Variants in ITGA3 observed in about 807,000 individuals in gnomAD.
The protein encoded by ITGA3 is integrin subunit alpha 3, also known as integrin alpha-3.
Under a neutral mutation model 131.1 loss-of-function variants are expected in ITGA3, and 70 were observed. The ratio of observed to expected loss-of-function variants is 0.53; its 90% CI spans 0.44 to 0.65. The LOEUF (loss-of-function observed/expected upper bound fraction) is 0.65. Among genes scored for constraint, ITGA3 ranks in the 30% least tolerant of loss-of-function variants. The probability of loss-of-function intolerance (pLI) is 0.00; values close to 1 mark genes in which losing one functional copy is unlikely to be tolerated. For missense variants in ITGA3, 1,098 were observed against 1,388.6 expected, an observed-to-expected ratio of 0.79 and a Z score of 3.33; for synonymous variants, 537 against 571.6, an observed-to-expected ratio of 0.94 and a Z score of 0.86.
rs374371717 is a variant in ITGA3, at chr17:50,088,220, C to T, written c.3046-5C>T. 7.1e-5 allele frequency: 110 copies of T among 1,555,302 alleles called. No individual in the cohort carries two copies. The highest frequency in any genetic ancestry group is 8.9e-5 in the Non-Finnish European group (102 of 1,149,234). ...TGGCCCGTCCCCACCTCCTCCCCTC[C>T]GCAGTGCGGCTTCTTCAAGCGAGCC... On this transcript the variant is annotated splice_polypyrimidine_tract_variant and splice_region_variant and intron_variant, in intron 24 of 25. Coordinates refer to ENST00000320031, the MANE Select transcript of ITGA3 (RefSeq NM_002204.4).
chr17:50,075,434 G>A (rs774579111), intron 10 of ITGA3, 25 bp from the exon 11 acceptor site: 16 of 1,613,112 alleles, frequency 9.9e-6, no homozygotes, highest in Middle Eastern at 1.6e-4. Flanking sequence ...ACTGTGACCC[G>A]CCCTCCTGTA....
At chr17:50,076,743 C>A in intron 14 of ITGA3, 62 bp downstream of exon 14, 3 of 1,369,152 alleles carry the variant, frequency 2.2e-6, no homozygotes, top group Non-Finnish European at 3.1e-6. Flanking sequence ...CATTAACTGG[C>A]AGGGTGGGGG....
chr17:50,075,632 G>T lies in ITGA3; in HGVS notation c.1571G>T (p.Arg524Leu), dbSNP rs377276495. 2 of 1,614,208 alleles carry T rather than the reference G, an allele frequency of 1.2e-6. No individual in the cohort carries two copies. The part of the protein sequence containing the change: ...LAYTLEADRD[R>L]RPPRLRFAGS... ...TACACTCTGGAGGCTGACAGGGACC[G>T]CCGGCCGCCCCGGCTCCGCTTTGCC... is the stretch of plus-strand genomic sequence containing the variant. The change falls in exon 12 of 26, where the codon CGC becomes CTC. Residue 524 changes from arginine (R) to leucine (L), a missense_variant. This residue lies in a region of ITGA3 where 699 missense variants were observed against 829.2 expected (regional missense o/e 0.84). Transcript: ENST00000320031.
intron 12 of ITGA3, among the ~76,000 whole-genome samples, 192 bp downstream of exon 12, chr17:50,075,927 G>C (rs139262127): frequency 2.1e-3 from 317 of 152,270 alleles, no homozygotes; most frequent in African/African-American, 7.2e-3. Context: ...GAGACCCTTG[G>C]GGTGGGGATG....
Position 50,072,154 on chromosome 17 carries a change from T to A in ITGA3, c.1128T>A (p.Ile376=), listed in dbSNP as rs1052867931. Residue 376 remains isoleucine (I), a synonymous_variant, in exon 7 of 26, where the codon ATT becomes ATA. Coordinates refer to ENST00000320031, the MANE Select transcript of ITGA3 (RefSeq NM_002204.4). ...CCTTTGGTTTATCTGTGGCCAGCAT[T>A]GGTGACATCAACCAGGATGGATTTC... is the stretch of plus-strand genomic sequence containing the variant. The part of the protein sequence containing the change: ...GSAFGLSVAS[I]GDINQDGFQD... The A allele has an allele frequency of 7.4e-6, 12 of 1,613,678 alleles. No individual in the cohort carries two copies. The highest frequency in any genetic ancestry group is 1.7e-4 in the Middle Eastern group (1 of 5,888).
intron 1 of ITGA3, among the ~76,000 whole-genome samples, chr17:50,060,487 G>GC (rs1311263809): frequency 7.2e-5 from 11 of 152,192 alleles, no homozygotes; most frequent in South Asian, 2.1e-4. Context: ...GCTCTGAACT[G>GC]CCCCAAGGGG....
chr17:50,085,711 T>C (rs1186429836), intron 23 of ITGA3, among the ~76,000 whole-genome samples: 2 of 138,440 alleles, frequency 1.4e-5, no homozygotes, highest in Non-Finnish European at 3.2e-5. Flanking sequence ...AGATTATACA[T>C]TATAGATTTA....
chr17:50,059,074 C>T (rs1907961176), intron 1 of ITGA3, among the ~76,000 whole-genome samples: 1 of 152,160 alleles, frequency 6.6e-6, no homozygotes. Flanking sequence ...CTTTGCTGCC[C>T]CATCACCTTC....
At chr17:50,078,785 T>A (rs762232455) in intron 18 of ITGA3, 39 bp from the exon 19 acceptor site, 1 of 1,289,768 alleles carries the variant, frequency 7.8e-7, no homozygotes, top group African/African-American at 1.5e-5. Context: ...GGCCCTGGTC[T>A]CTTGTCCCCC....
At position 50,064,340 on chromosome 17, in the gene ITGA3, G is replaced by T; in HGVS notation, c.334+136G>T. On this transcript the variant is annotated intron_variant, in intron 2 of 25. Coordinates refer to ENST00000320031, the MANE Select transcript of ITGA3 (RefSeq NM_002204.4). This position sits in a 1 kb window ranked among gnomAD's most constrained non-coding sequence, Gnocchi z 4.4. Reference sequence around the variant, plus strand: ...CTTCTTGTCCAGCTGGGAAGAGGGTGCCCTAGAGGAGAGTGGGGCTGGATG... The same window carrying T: ...CTTCTTGTCCAGCTGGGAAGAGGGTTCCCTAGAGGAGAGTGGGGCTGGATG... 1 of 1,258,066 alleles carries T rather than the reference G, an allele frequency of 7.9e-7. No homozygotes were observed. Among genetic ancestry groups the T allele is most frequent in the African/African-American group, 1.5e-5 (1 of 67,798 alleles). The allele number at this position is 1,258,066 out of a possible 1,614,324, so 77.9% of individuals were successfully genotyped here. A position where few individuals can be genotyped will look rare whatever the true frequency, so the allele number is the denominator to read the frequency against.
Position 50,064,876 on chromosome 17 carries a change from C to T in ITGA3, c.414+269C>T, listed in dbSNP as rs888318255. ...ATGCCTACACTGGGTGCTCAGCCTT[C>T]GTGGGAACAAGCCGAGGGAGCCGAG... On this transcript the variant is annotated intron_variant, in intron 3 of 25. Coordinates refer to ENST00000320031, the MANE Select transcript of ITGA3 (RefSeq NM_002204.4). This position sits in a 1 kb window ranked among gnomAD's most constrained non-coding sequence, Gnocchi z 4.4. The T allele has an allele frequency of 8.4e-6, 3 of 357,272 alleles. No homozygotes were observed. The highest frequency in any genetic ancestry group is 5.0e-5 in the East Asian group (1 of 19,960). The allele number at this position is 357,272 out of a possible 1,614,324, so 22.1% of individuals were successfully genotyped here.
In ITGA3 at chr17:50,068,208, A is replaced by G; in HGVS notation, c.567A>G (p.Thr189=). The change falls in exon 4 of 26, where the codon ACA becomes ACG. Residue 189 remains threonine (T), a synonymous_variant. Transcript: ENST00000320031. ...ACAACGAGATGTGCAATAGCAACAC[A>G]GACTACCTGGAGACGGGCATGTGCC... The part of the protein sequence containing the change: ...TYHNEMCNSN[T]DYLETGMCQL... 6.2e-7 allele frequency: 1 copy of G among 1,614,186 alleles called. No homozygotes were observed. Among genetic ancestry groups the G allele is most frequent in the South Asian group, 1.1e-5 (1 of 91,090 alleles).
At chr17:50,078,723 A>G in intron 18 of ITGA3, 101 bp from the exon 19 acceptor site, 1 of 702,374 alleles carries the variant, frequency 1.4e-6, no homozygotes. Flanking sequence ...GAGGTGACTG[A>G]TGTCAGAGGG....
intron 1 of ITGA3, among the ~76,000 whole-genome samples, chr17:50,060,052 G>C (rs1440535483): frequency 6.6e-6 from 1 of 152,184 alleles, no homozygotes; most frequent in Non-Finnish European, 1.5e-5. Context: ...GGCCTCTGGG[G>C]AGATGGCTAA....
chr17:50,072,321 C>T (rs553788847), intron 7 of ITGA3, 139 bp downstream of exon 7: 24 of 731,764 alleles, frequency 3.3e-5, no homozygotes, highest in Middle Eastern at 4.0e-4. Flanking sequence ...CTGGGGAGCT[C>T]GCAGCAGTAC....
intron 7 of ITGA3, among the ~76,000 whole-genome samples, chr17:50,072,931 T>A (rs1908696122): frequency 6.6e-6 from 1 of 152,098 alleles, no homozygotes; most frequent in South Asian, 2.1e-4. Flanking sequence ...ACCTGGCTTA[T>A]CTGAAAGTCA....
rs755614897 is a variant in ITGA3 at position 50,089,239 on chromosome 17, T to C, written c.*161T>C. 3.1e-6 allele frequency: 5 copies of C among 1,613,486 alleles called. No homozygotes were observed. Among genetic ancestry groups the C allele is most frequent in the Non-Finnish European group, 3.4e-6 (4 of 1,179,954 alleles). ...CACCAAGAAGCACTGGGTGACCAGC[T>C]GGCAGACTCGGGACCAATACTACTG... On this transcript the variant is annotated 3_prime_UTR_variant, in exon 26 of 26. Transcript: ENST00000320031.
rs546685892 is a variant in ITGA3 at position 50,071,437 on chromosome 17, G to A, written c.878G>A (p.Arg293Gln). ...AGCCAGGAGGCAGGCGGAGACCTGC[G>A]GAGGAGGCAGGTGCTGGAGGGCTCG... ...LLSQEAGGDL[R>Q]RRQVLEGSQV... Residue 293 changes from arginine (R) to glutamine (Q), a missense_variant, in exon 6 of 26, where the codon CGG becomes CAG. Arg to Gln is a conservative substitution (Grantham distance 43). Around this residue, in one of 3 missense-constraint regions of ITGA3, gnomAD observed 356 missense variants for 529.2 expected, o/e 0.67. Coordinates refer to ENST00000320031, the MANE Select transcript of ITGA3 (RefSeq NM_002204.4). The A allele has an allele frequency of 9.9e-6, 16 of 1,614,028 alleles. No homozygotes were observed. Among genetic ancestry groups the A allele is most frequent in the Middle Eastern group, 1.7e-4 (1 of 6,046 alleles).
chr17:50,079,994 G>T (rs538373596), intron 21 of ITGA3, among the ~76,000 whole-genome samples: 3 of 152,200 alleles, frequency 2.0e-5, no homozygotes, highest in African/African-American at 7.2e-5. Context: ...TGGGAAGCAG[G>T]TGTAGGCGGT....
Sources: gnomAD v4.1 joint callset for allele counts (sites outside exome capture counted in the v4.1 genomes callset) on GRCh38, gnomAD v4.1.1 for gene constraint, gnomAD v4.1.1 regional missense constraint, Gnocchi (gnomAD v3.1) non-coding constraint, MANE v1.5 for transcripts, NCBI Gene and HGNC (gene_info 2026-07-23, HGNC 2026-07-21) for gene names.